Variants in ABCA13 observed in about 807,000 individuals in gnomAD.
ABCA13 encodes the protein ATP-binding cassette sub-family A member 13.
Under a neutral mutation model 478.7 loss-of-function variants are expected in ABCA13, and 476 were observed. The ratio of observed to expected loss-of-function variants is 0.99; its 90% CI spans 0.92 to 1.07. ABCA13 has a LOEUF of 1.07. Ranked by LOEUF, ABCA13 falls within the 50% of genes least tolerant of loss-of-function variation. The pLI is 0.00. For missense variants in ABCA13, 6,060 were observed against 5,910.6 expected (o/e 1.03, Z -0.83); for synonymous variants, 2,252 against 2,158.9 (o/e 1.04, Z -1.20).
intron 42 of ABCA13, among the ~76,000 whole-genome samples, chr7:48,428,709 T>C (rs1821754265): frequency 6.6e-6 from 1 of 152,338 alleles, no homozygotes; most frequent in Middle Eastern, 3.4e-3. Context: ...AAAATAGATG[T>C]GTAGTAGTTT....
intron 23 of ABCA13, among the ~76,000 whole-genome samples, chr7:48,304,168 T>A (rs1017879487): frequency 6.6e-6 from 1 of 152,226 alleles, no homozygotes; most frequent in Admixed American, 6.5e-5. Context: ...AAGTCTACTT[T>A]ACAAAATAAA....
At chr7:48,387,655 A>G (rs1272144957) in intron 35 of ABCA13, among the ~76,000 whole-genome samples, 167 bp from the exon 36 acceptor site, 2 of 152,228 alleles carry the variant, frequency 1.3e-5, no homozygotes, top group African/African-American at 4.8e-5. Context: ...TTAGGGCTCC[A>G]CTGCAAAACT....
intron 51 of ABCA13, 111 bp downstream of exon 51, chr7:48,511,310 C>T (rs1831663429): frequency 2.3e-6 from 2 of 880,178 alleles, no homozygotes; most frequent in South Asian, 1.8e-5. Flanking sequence ...TCTTTTGAAG[C>T]AATTATGTTG....
At chr7:48,541,801 G>A (rs1833960510) in intron 55 of ABCA13, among the ~76,000 whole-genome samples, 1 of 147,022 alleles carries the variant, frequency 6.8e-6, no homozygotes, top group African/African-American at 2.4e-5. Context: ...ATTTTAAAAG[G>A]AAAGTTGACA....
intron 16 of ABCA13, among the ~76,000 whole-genome samples, chr7:48,270,981 G>A (rs940735083): frequency 3.3e-5 from 5 of 152,196 alleles, no homozygotes; most frequent in Non-Finnish European, 5.9e-5. Context: ...CCTGCGTCGC[G>A]AGATCATTCA....
intron 3 of ABCA13, among the ~76,000 whole-genome samples, chr7:48,207,232 T>A (rs1406523114): frequency 6.6e-6 from 1 of 152,180 alleles, no homozygotes; most frequent in Non-Finnish European, 1.5e-5. Context: ...ATTCCATAGC[T>A]TGGCTGTTTT....
At chr7:48,618,510 A>G (rs905168156) in intron 59 of ABCA13, among the ~76,000 whole-genome samples, 3 of 152,154 alleles carry the variant, frequency 2.0e-5, no homozygotes, top group African/African-American at 4.8e-5. Flanking sequence ...TGAAAATACC[A>G]TGTATTACAG....
chr7:48,607,085 CAG>C (rs1791549058), intron 58 of ABCA13, among the ~76,000 whole-genome samples: 1 of 152,180 alleles, frequency 6.6e-6, no homozygotes, highest in African/African-American at 2.4e-5. Flanking sequence ...AGGTCCACCT[CAG>C]ACTGCTGTGC....
At chr7:48,253,873 T>G (rs200891199) in intron 15 of ABCA13, among the ~76,000 whole-genome samples, 1 of 152,178 alleles carries the variant, frequency 6.6e-6, no homozygotes, top group South Asian at 2.1e-4. Context: ...ACTATTTCTT[T>G]AAATATTTCT....
intron 44 of ABCA13, among the ~76,000 whole-genome samples, chr7:48,468,090 T>C (rs1827083545): frequency 6.6e-6 from 1 of 151,964 alleles, no homozygotes; most frequent in Non-Finnish European, 1.5e-5. Context: ...CCAGCCCTGG[T>C]CCAAGCTGGG....
At chr7:48,477,896 TAAAAA>T (rs927853037) in intron 45 of ABCA13, among the ~76,000 whole-genome samples, 20 of 151,450 alleles carry the variant, frequency 1.3e-4, no homozygotes, top group African/African-American at 4.6e-4. Flanking sequence ...ATAATAATAA[TAAAAA>T]AAAGAATGAG....
At chr7:48,475,439 G>A (rs1160967887) in intron 45 of ABCA13, among the ~76,000 whole-genome samples, 1 of 150,544 alleles carries the variant, frequency 6.6e-6, no homozygotes, top group Non-Finnish European at 1.5e-5. Context: ...CCCTGGGTCT[G>A]CAAGAGCATG....
At chr7:48,401,524 A>C (rs1239732690) in intron 38 of ABCA13, among the ~76,000 whole-genome samples, 3 of 152,172 alleles carry the variant, frequency 2.0e-5, no homozygotes, top group African/African-American at 7.2e-5. Context: ...TATACACATG[A>C]TTTATCTAGA....
rs1823630939 is a variant in ABCA13, at chr7:48,441,806, G to A, written c.12566-13231G>A. Among the ~76,000 whole-genome samples, 3 of 152,080 alleles carry A rather than the reference G, an allele frequency of 2.0e-5. 1 individual carries two copies. The highest frequency in any genetic ancestry group is 4.1e-4 in the South Asian group (2 of 4,822). Reference sequence around the variant, plus strand: ...TATAGAGATGTGATTTGGATTTCTGGGCAGTGTTGAGAGCCCTGTTACTAA... The same window carrying A: ...TATAGAGATGTGATTTGGATTTCTGAGCAGTGTTGAGAGCCCTGTTACTAA... On this transcript the variant is annotated intron_variant, in intron 42 of 61. Coordinates refer to ENST00000435803, the MANE Select transcript of ABCA13 (RefSeq NM_152701.5).
chr7:48,580,966 A>G (rs1788648521), intron 56 of ABCA13, among the ~76,000 whole-genome samples: 2 of 152,110 alleles, frequency 1.3e-5, no homozygotes, highest in South Asian at 4.2e-4. Context: ...TGAGAGAGCA[A>G]AAGACAGCTG....
intron 55 of ABCA13, among the ~76,000 whole-genome samples, chr7:48,574,088 G>A (rs1186114433): frequency 6.6e-6 from 1 of 151,782 alleles, no homozygotes; most frequent in East Asian, 1.9e-4. Flanking sequence ...CAAGGCATGG[G>A]GAGTTAGGAC....
intron 1 of ABCA13, among the ~76,000 whole-genome samples, chr7:48,191,434 G>A (rs36134174): frequency 0.18 from 27,017 of 152,178 alleles, 2,621 homozygotes; most frequent in Middle Eastern, 0.24. Flanking sequence ...ACGGAGTCTC[G>A]CTCTGTTGCC....
At chr7:48,370,756 G>A (rs1039729569) in intron 32 of ABCA13, among the ~76,000 whole-genome samples, 3 of 152,050 alleles carry the variant, frequency 2.0e-5, no homozygotes, top group Non-Finnish European at 1.5e-5. Flanking sequence ...AGTTCACAAC[G>A]TTAAATATCT....
intron 59 of ABCA13, among the ~76,000 whole-genome samples, chr7:48,641,282 T>C (rs1446967740): frequency 6.6e-6 from 1 of 152,238 alleles, no homozygotes; most frequent in Non-Finnish European, 1.5e-5. Flanking sequence ...ATATAATGCT[T>C]CCTATTCATG....
Sources: gnomAD v4.1 joint callset for allele counts (sites outside exome capture counted in the v4.1 genomes callset) on GRCh38, gnomAD v4.1.1 for gene constraint, MANE v1.5 for transcripts, NCBI Gene and HGNC (gene_info 2026-07-23, HGNC 2026-07-21) for gene names.